QTMAN: variants seen among roughly 807,000 people sequenced by gnomAD.
The protein encoded by QTMAN is queuosine-tRNA mannosyltransferase.
the QTMAN span, among the ~76,000 whole-genome samples, chr2:144,237,962 G>T: frequency 6.6e-6 from 1 of 152,186 alleles, no homozygotes; most frequent in Non-Finnish European, 1.5e-5. Context: ...TAACAGCCAT[G>T]TGAGAGAGCC....
chr2:144,009,031 G>A, the QTMAN span, among the ~76,000 whole-genome samples: 9 of 152,020 alleles, frequency 5.9e-5, no homozygotes, highest in African/African-American at 1.9e-4. Context: ...TTATTCACTT[G>A]GGAATACTTG....
the QTMAN span, among the ~76,000 whole-genome samples, chr2:144,009,083 A>G: frequency 1.1e-4 from 17 of 152,098 alleles, no homozygotes; most frequent in Non-Finnish European, 1.8e-4. Context: ...GAAAAATCTT[A>G]TAAGATGGAA....
chr2:144,189,534 T>C, the QTMAN span, among the ~76,000 whole-genome samples: 5 of 152,330 alleles, frequency 3.3e-5, no homozygotes, highest in East Asian at 3.9e-4. Flanking sequence ...CTCTGGGCAA[T>C]TGGTCGCTTT....
chr2:144,094,055 G>A, the QTMAN span, among the ~76,000 whole-genome samples: 5 of 152,254 alleles, frequency 3.3e-5, no homozygotes, highest in East Asian at 1.9e-4. Context: ...GATGATCTAC[G>A]TTGTAATTCA....
chr2:144,139,799 T>G, the QTMAN span, among the ~76,000 whole-genome samples: 5 of 152,040 alleles, frequency 3.3e-5, no homozygotes, highest in Admixed American at 1.3e-4. Flanking sequence ...TTTATTTTGT[T>G]GGAAATATGG....
At chr2:143,971,525 C>T in the QTMAN span, among the ~76,000 whole-genome samples, 1 of 151,892 alleles carries the variant, frequency 6.6e-6, no homozygotes, top group Non-Finnish European at 1.5e-5. Context: ...GGCTAAAGGA[C>T]ACTAACATTT....
chr2:144,148,500 T>C, the QTMAN span, among the ~76,000 whole-genome samples: 2 of 151,836 alleles, frequency 1.3e-5, no homozygotes, highest in Non-Finnish European at 2.9e-5. Flanking sequence ...GTAACAGGCA[T>C]TAAATGGCAG....
At chr2:144,304,665 G>A in the QTMAN span, among the ~76,000 whole-genome samples, 2 of 152,162 alleles carry the variant, frequency 1.3e-5, no homozygotes, top group African/African-American at 4.8e-5. Context: ...GGCTGGTCTT[G>A]TACTCCTGGC....
chr2:144,127,123 A>G, the QTMAN span, among the ~76,000 whole-genome samples: 1 of 152,028 alleles, frequency 6.6e-6, no homozygotes, highest in African/African-American at 2.4e-5. Context: ...CAGGACATAT[A>G]AAAGAAATAC....
the QTMAN span, among the ~76,000 whole-genome samples, chr2:144,273,910 C>T: frequency 6.6e-6 from 1 of 151,982 alleles, no homozygotes; most frequent in South Asian, 2.1e-4. Flanking sequence ...CCAAGGTGGG[C>T]GGATCACAAG....
the QTMAN span, among the ~76,000 whole-genome samples, chr2:144,012,067 G>A: frequency 6.6e-6 from 1 of 151,946 alleles, no homozygotes; most frequent in African/African-American, 2.4e-5. Context: ...TATTAGCCAT[G>A]GGATCTCCAC....
the QTMAN span, among the ~76,000 whole-genome samples, chr2:144,063,072 G>GA: frequency 2.2e-4 from 33 of 152,250 alleles, no homozygotes; most frequent in Non-Finnish European, 3.8e-4. Context: ...AGGTCTATGG[G>GA]AAAAAACTCT....
chr2:143,995,612 T>C, the QTMAN span, among the ~76,000 whole-genome samples: 1 of 152,206 alleles, frequency 6.6e-6, no homozygotes, highest in African/African-American at 2.4e-5. Flanking sequence ...GGCTGGTAAC[T>C]GTGACAGCCA....
chr2:143,951,471 A>G, the QTMAN span, among the ~76,000 whole-genome samples: 2 of 151,454 alleles, frequency 1.3e-5, no homozygotes, highest in Non-Finnish European at 3.0e-5. Context: ...GAAACTGAGG[A>G]TTTTTTATGT....
At chr2:144,171,491 A>C in the QTMAN span, among the ~76,000 whole-genome samples, 8 of 152,200 alleles carry the variant, frequency 5.3e-5, no homozygotes, top group Non-Finnish European at 1.2e-4. Context: ...TGTCAAAATA[A>C]TGCTGCCCAA....
At chr2:144,073,889 T>A in the QTMAN span, among the ~76,000 whole-genome samples, 2 of 152,190 alleles carry the variant, frequency 1.3e-5, no homozygotes, top group Admixed American at 6.5e-5. Context: ...TTGTGCCCTA[T>A]GCAGGAAGAG....
the QTMAN span, among the ~76,000 whole-genome samples, chr2:144,061,969 C>T: frequency 6.6e-6 from 1 of 152,174 alleles, no homozygotes; most frequent in African/African-American, 2.4e-5. Context: ...CCCTCTCCAG[C>T]TTTCCATCCT....
the QTMAN span, among the ~76,000 whole-genome samples, chr2:144,182,841 T>TATATATATAATATATATATATA: frequency 1.5e-5 from 1 of 66,140 alleles, no homozygotes; most frequent in Admixed American, 2.5e-4. Flanking sequence ...ATATATATAT[T>TATATATATAATATATATATATA]ATATATATAT....
the QTMAN span, among the ~76,000 whole-genome samples, chr2:144,135,563 C>G: frequency 6.6e-6 from 1 of 152,056 alleles, no homozygotes; most frequent in Non-Finnish European, 1.5e-5. Flanking sequence ...GATGTATCTT[C>G]TTTTTCAGAA....
Sources: allele counts gnomAD v4.1 joint callset (sites outside exome capture counted in the v4.1 genomes callset), GRCh38; gene constraint gnomAD v4.1.1; transcripts MANE v1.5; gene names NCBI Gene and HGNC (gene_info 2026-07-23, HGNC 2026-07-21).